The following KCNB2 variants were observed in gnomAD, a reference collection of about 807,000 sequenced individuals.
KCNB2 encodes the protein delayed rectifier potassium channel protein.
Under a neutral mutation model 61.5 loss-of-function variants are expected in KCNB2, and 15 were observed. The observed-to-expected ratio is 0.24, with a 90% CI of 0.16 to 0.38. The LOEUF (loss-of-function observed/expected upper bound fraction) is 0.38. Ranked by LOEUF, KCNB2 falls within the 10% of genes least tolerant of loss-of-function variation. KCNB2 has a pLI of 1.00. For missense variants in KCNB2, 828 were observed against 1,125.2 expected (o/e 0.74, Z 3.78); for synonymous variants, 457 against 446.0 (o/e 1.02, Z -0.31).
chr8:72,699,627 T>C lies in KCNB2; in HGVS notation c.579+131314T>C, dbSNP rs547698937. Among the ~76,000 whole-genome samples the C allele has an allele frequency of 1.6e-4, 25 of 152,336 alleles. 1 individual carries two copies. The South Asian group carries it at 5.2e-3, about 32-fold the overall frequency. The stretch of plus-strand genomic sequence containing the variant: ...AGATCCCATTTATCAATTTTGGCTT[T>C]GGTTGCAATTGCTTTTGGTGTTTTC... On this transcript the variant is annotated intron_variant, in intron 2 of 2. Coordinates refer to ENST00000523207, the MANE Select transcript of KCNB2 (RefSeq NM_004770.3).
chr8:72,772,692 C>G (rs1002859159), intron 2 of KCNB2, among the ~76,000 whole-genome samples: 1 of 152,182 alleles, frequency 6.6e-6, no homozygotes, highest in East Asian at 1.9e-4. Context: ...CTACAGTATT[C>G]AGTGTTTTCC....
chr8:72,657,750 G>A (rs200113002), intron 2 of KCNB2, among the ~76,000 whole-genome samples: 7 of 152,084 alleles, frequency 4.6e-5, no homozygotes, highest in Non-Finnish European at 8.8e-5. Flanking sequence ...GGAGAGACTC[G>A]TTAAATAGTT....
intron 2 of KCNB2, among the ~76,000 whole-genome samples, chr8:72,669,955 G>GA (rs1806536230): frequency 6.6e-6 from 1 of 152,172 alleles, no homozygotes; most frequent in Non-Finnish European, 1.5e-5. Context: ...ATCATACAGA[G>GA]AACACCTGCC....
At chr8:72,907,845 G>T (rs1251342548) in intron 2 of KCNB2, among the ~76,000 whole-genome samples, 1 of 152,068 alleles carries the variant, frequency 6.6e-6, no homozygotes, top group Admixed American at 6.6e-5. Context: ...TATACCCTAA[G>T]TGTTATATAA....
intron 2 of KCNB2, among the ~76,000 whole-genome samples, chr8:72,894,004 A>G (rs1805944956): frequency 6.6e-6 from 1 of 152,240 alleles, no homozygotes; most frequent in African/African-American, 2.4e-5. Context: ...ACAGTGAGCC[A>G]CAGTGATACT....
At chr8:72,723,546 C>T (rs534046351) in intron 2 of KCNB2, among the ~76,000 whole-genome samples, 2 of 152,152 alleles carry the variant, frequency 1.3e-5, no homozygotes, top group Non-Finnish European at 2.9e-5. Flanking sequence ...CTCCCTGGAG[C>T]CCCAATCCCT....
chr8:72,641,254 C>A (rs1226471711), intron 2 of KCNB2, among the ~76,000 whole-genome samples: 2 of 152,104 alleles, frequency 1.3e-5, no homozygotes, highest in Admixed American at 1.3e-4. Flanking sequence ...TTGTTCTCTA[C>A]TTGTAGATGC....
chr8:72,677,972 G>A (rs926996863), intron 2 of KCNB2, among the ~76,000 whole-genome samples: 30 of 152,112 alleles, frequency 2.0e-4, no homozygotes, highest in African/African-American at 7.0e-4. Flanking sequence ...TTCAAGAATT[G>A]TCTATCTGTT....
chr8:72,549,210 C>T (rs1310395101), intron 1 of KCNB2, among the ~76,000 whole-genome samples: 1 of 152,256 alleles, frequency 6.6e-6, no homozygotes, highest in Middle Eastern at 3.4e-3. Flanking sequence ...ATTTCGTCTT[C>T]TATATCCCTT....
chr8:72,767,308 A>G (rs1808475888), intron 2 of KCNB2, among the ~76,000 whole-genome samples: 1 of 152,174 alleles, frequency 6.6e-6, no homozygotes, highest in Non-Finnish European at 1.5e-5. Flanking sequence ...CATACAATGT[A>G]ATTGTTATAG....
intron 2 of KCNB2, among the ~76,000 whole-genome samples, chr8:72,792,832 C>T (rs1439321792): frequency 6.6e-6 from 1 of 152,104 alleles, no homozygotes; most frequent in Non-Finnish European, 1.5e-5. Flanking sequence ...ATAATGTCAG[C>T]CATATGGAAG....
chr8:72,868,098 G>A (rs13251339), intron 2 of KCNB2, among the ~76,000 whole-genome samples: 23,672 of 147,742 alleles, frequency 0.16, 2,537 homozygotes, highest in Non-Finnish European at 0.24. Flanking sequence ...TAGAGACAGG[G>A]TCTCACTCCA....
intron 2 of KCNB2, among the ~76,000 whole-genome samples, chr8:72,846,951 T>C (rs1351750811): frequency 6.6e-6 from 1 of 152,198 alleles, no homozygotes; most frequent in Non-Finnish European, 1.5e-5. Context: ...ATAAAACACA[T>C]GCACATGTAT....
At chr8:72,835,524 A>G (rs1809766747) in intron 2 of KCNB2, among the ~76,000 whole-genome samples, 2 of 152,192 alleles carry the variant, frequency 1.3e-5, no homozygotes, top group South Asian at 4.1e-4. Flanking sequence ...TGGCACTGAG[A>G]GCTACGGGAA....
chr8:72,710,871 C>G (rs114941662), intron 2 of KCNB2, among the ~76,000 whole-genome samples: 308 of 152,320 alleles, frequency 2.0e-3, no homozygotes, highest in African/African-American at 7.2e-3. Flanking sequence ...GAAGGCCTCT[C>G]AAGGCTATTT....
At chr8:72,715,257 C>A (rs1385537537) in intron 2 of KCNB2, among the ~76,000 whole-genome samples, 3 of 152,156 alleles carry the variant, frequency 2.0e-5, no homozygotes, top group Non-Finnish European at 4.4e-5. Flanking sequence ...ATCAACGAGA[C>A]AGAACGTTAA....
At chr8:72,566,950 C>T (rs2451035) in intron 1 of KCNB2, among the ~76,000 whole-genome samples, 105,094 of 151,728 alleles carry the variant, frequency 0.69, 36,624 homozygotes, top group Admixed American at 0.73. Context: ...AAATCTGAGA[C>T]GGAGAATGAT....
intron 2 of KCNB2, among the ~76,000 whole-genome samples, chr8:72,882,520 T>TGAGAGAGAGAGAGAGAGA (rs147239924): frequency 0.014 from 1,593 of 115,144 alleles, 36 homozygotes; most frequent in Non-Finnish European, 0.02. Context: ...TGCTGACAGT[T>TGAGAGAGAGAGAGAGAGA]GAGAGAGAGA....
chr8:72,753,379 G>T (rs1335328079), intron 2 of KCNB2, among the ~76,000 whole-genome samples: 2 of 152,108 alleles, frequency 1.3e-5, no homozygotes, highest in African/African-American at 2.4e-5. Flanking sequence ...TTTTTATTTA[G>T]CAACTCTTAT....
Sources: allele counts gnomAD v4.1 joint callset (sites outside exome capture counted in the v4.1 genomes callset), GRCh38; gene constraint gnomAD v4.1.1; transcripts MANE v1.5; gene names NCBI Gene and HGNC (gene_info 2026-07-23, HGNC 2026-07-21).